ANO10: variants seen among roughly 807,000 people sequenced by gnomAD.
The protein encoded by ANO10 is anoctamin 10, also known as anoctamin-10.
In ANO10, 77 loss-of-function variants were observed where a neutral mutation model predicts 74.7. That is an observed-to-expected ratio of 1.03 (90% CI 0.86 to 1.25). The LOEUF is 1.25. Ranked by LOEUF, ANO10 falls within the 50% of genes most tolerant of loss-of-function variation. The pLI is 0.00. For synonymous variants in ANO10, 279 were observed against 284.9 expected (o/e 0.98, Z 0.21); for missense variants, 721 against 778.1 (o/e 0.93, Z 0.87).
intron 5 of ANO10, among the ~76,000 whole-genome samples, chr3:43,578,004 A>G (rs2081092770): frequency 6.6e-6 from 1 of 152,156 alleles, no homozygotes; most frequent in Admixed American, 6.5e-5. Flanking sequence ...GGATCATAAG[A>G]GCATCTTGTA....
intron 2 of ANO10, among the ~76,000 whole-genome samples, chr3:43,602,351 A>AT (rs1170388863): frequency 1.3e-5 from 2 of 152,034 alleles, no homozygotes; most frequent in African/African-American, 2.4e-5. Context: ...TAATTTATTT[A>AT]TTTTGAGACA....
intron 11 of ANO10, among the ~76,000 whole-genome samples, chr3:43,464,992 A>G (rs6767741): frequency 0.98 from 149,350 of 152,246 alleles, 73,324 homozygotes; most frequent in East Asian, 1. Context: ...TCTGCTGGAG[A>G]TCCTAACCAG....
At chr3:43,555,187 T>G in intron 10 of ANO10, 91 bp downstream of exon 10, 1 of 1,322,252 alleles carries the variant, frequency 7.6e-7, no homozygotes, top group South Asian at 1.2e-5. Context: ...CCTAAATCTC[T>G]CTGTAGGGCT....
At chr3:43,641,557 G>A (rs1261898543) in intron 1 of ANO10, among the ~76,000 whole-genome samples, 1 of 152,182 alleles carries the variant, frequency 6.6e-6, no homozygotes. Flanking sequence ...TCCACCCATT[G>A]CAGCCACGGA....
rs564965790 is a variant in ANO10, at chr3:43,493,549, C to CA, written c.1797+56170dup. Among the ~76,000 whole-genome samples the CA allele has an allele frequency of 2.2e-3, 334 of 151,532 alleles. 1 individual carries two copies. The highest frequency in any genetic ancestry group is 3.7e-3 in the Non-Finnish European group (249 of 67,856). On this transcript the variant is annotated intron_variant, in intron 11 of 12. Coordinates refer to ENST00000292246, the MANE Select transcript of ANO10 (RefSeq NM_018075.5). ...AACTAAACAGGCTACCACATTTCCACAAAAAAGGACCATTAGCTCTTGAAT... is the reference window on the plus strand; with the variant it reads ...AACTAAACAGGCTACCACATTTCCACAAAAAAAGGACCATTAGCTCTTGAAT...
chr3:43,670,557 A>C (rs552445772), intron 1 of ANO10, among the ~76,000 whole-genome samples: 1 of 152,274 alleles, frequency 6.6e-6, no homozygotes, highest in South Asian at 2.1e-4. Flanking sequence ...CAACAGGACA[A>C]AAAGAGTGGA....
Position 43,408,600 on chromosome 3 carries a change from C to T in ANO10, c.1914+24011G>A, listed in dbSNP as rs1295517998. ...AACCTGCGATCTGAAACCTGGGAGG[C>T]CTCAGTGTTCTCTGACTTCATCGAA... On this transcript the variant is annotated intron_variant, in intron 12 of 12. Transcript: ENST00000292246. Among the ~76,000 whole-genome samples the T allele has an allele frequency of 3.6e-4, 55 of 152,192 alleles. 1 individual carries two copies. The highest frequency in any genetic ancestry group is 3.6e-3 in the Admixed American group (55 of 15,278).
chr3:43,543,579 G>A (rs927831341), intron 11 of ANO10, among the ~76,000 whole-genome samples: 3 of 152,020 alleles, frequency 2.0e-5, no homozygotes, highest in African/African-American at 7.2e-5. Flanking sequence ...TAGTAGAGAC[G>A]GGGTTTCACC....
At chr3:43,592,211 G>T (rs1313519942) in intron 4 of ANO10, among the ~76,000 whole-genome samples, 19 of 152,224 alleles carry the variant, frequency 1.2e-4, no homozygotes. Flanking sequence ...AACTTCTGCA[G>T]ACTTAAACGT....
Position 43,648,585 on chromosome 3 carries a change from G to C in ANO10, c.-11-42722C>G, listed in dbSNP as rs192848731. 1.6e-3 allele frequency among the ~76,000 whole-genome samples: 238 copies of C among 151,690 alleles called. 1 individual carries two copies. Among genetic ancestry groups the C allele is most frequent in the African/African-American group, 5.3e-3 (220 of 41,282 alleles). On this transcript the variant is annotated intron_variant, in intron 1 of 3. Transcript: ENST00000413397. ...GACATTGCCATGGCACTTGTAAACT[G>C]TCATGGTGCTGGTGGGAGTGTAGCG... is the stretch of plus-strand genomic sequence containing the variant.
chr3:43,518,695 T>G (rs904868760), intron 11 of ANO10, among the ~76,000 whole-genome samples: 2 of 152,156 alleles, frequency 1.3e-5, no homozygotes, highest in African/African-American at 4.8e-5. Flanking sequence ...CTGTCTTATA[T>G]GTCGATAAGG....
chr3:43,544,459 T>C, intron 11 of ANO10, among the ~76,000 whole-genome samples: 1 of 151,974 alleles, frequency 6.6e-6, no homozygotes, highest in Admixed American at 6.6e-5. Flanking sequence ...TTTTTGCCTT[T>C]ACTCAGTTTC....
chr3:43,645,069 A>T (rs1160397071), intron 1 of ANO10, among the ~76,000 whole-genome samples: 1 of 152,212 alleles, frequency 6.6e-6, no homozygotes, highest in African/African-American at 2.4e-5. Context: ...AAATTTACAA[A>T]GCCAATAAAC....
intron 11 of ANO10, among the ~76,000 whole-genome samples, chr3:43,434,484 G>C (rs1260684775): frequency 6.6e-6 from 1 of 152,134 alleles, no homozygotes; most frequent in East Asian, 1.9e-4. Flanking sequence ...CAGACAAGAA[G>C]TACACAAATT....
intron 11 of ANO10, among the ~76,000 whole-genome samples, chr3:43,490,378 C>CA (rs1300467757): frequency 6.6e-6 from 1 of 152,006 alleles, no homozygotes; most frequent in African/African-American, 2.4e-5. Context: ...AAATAAAAAG[C>CA]AAAACAATGA....
Position 43,576,731 on chromosome 3 carries a change from G to A in ANO10, c.1123C>T (p.Arg375Cys), listed in dbSNP as rs537457363. 5.0e-6 allele frequency: 8 copies of A among 1,614,094 alleles called. No individual in the cohort carries two copies. Among genetic ancestry groups the A allele is most frequent in the African/African-American group, 1.3e-5 (1 of 75,010 alleles). Residue 375 changes from arginine (R) to cysteine (C), a missense_variant, in exon 6 of 13, where the codon CGT becomes TGT. Coordinates refer to ENST00000292246, the MANE Select transcript of ANO10 (RefSeq NM_018075.5). Reference sequence around the variant, plus strand: ...AACTCGGCAGCATATCGATAGAGACGATTCATGATCTCAATCACAATGGCA... The same window carrying A: ...AACTCGGCAGCATATCGATAGAGACAATTCATGATCTCAATCACAATGGCA... ...IYAIVIEIMN[R>C]LYRYAAEFLT...
intron 11 of ANO10, among the ~76,000 whole-genome samples, chr3:43,449,718 G>C: frequency 6.9e-6 from 1 of 144,444 alleles, no homozygotes; most frequent in East Asian, 1.9e-4. Flanking sequence ...TTCGAAGTTG[G>C]TTAGTGCCAG....
chr3:43,630,731 C>T (rs138836657), intron 1 of ANO10, among the ~76,000 whole-genome samples: 2 of 152,308 alleles, frequency 1.3e-5, no homozygotes, highest in East Asian at 3.9e-4. Flanking sequence ...TTGTGACCTC[C>T]ATATTTAAAA....
At chr3:43,446,590 T>A (rs1246564364) in intron 11 of ANO10, among the ~76,000 whole-genome samples, 1 of 152,234 alleles carries the variant, frequency 6.6e-6, no homozygotes. Flanking sequence ...TGAGGCACAC[T>A]ACTGTCAGAA....
Sources: gnomAD v4.1 joint callset for allele counts (sites outside exome capture counted in the v4.1 genomes callset) on GRCh38, gnomAD v4.1.1 for gene constraint, MANE v1.5 for transcripts, NCBI Gene and HGNC (gene_info 2026-07-23, HGNC 2026-07-21) for gene names.